PHF6: variants seen among roughly 807,000 people sequenced by gnomAD.
PHF6 encodes the protein PHD-like zinc finger protein.
In PHF6, 7 loss-of-function variants were observed where a neutral mutation model predicts 34.0. That is an observed-to-expected ratio of 0.21 (90% CI 0.12 to 0.39). The LOEUF is 0.39. PHF6 is among the 10% of genes least tolerant of loss of function. PHF6 has a pLI of 1.00. For missense variants in PHF6, 128 were observed against 262.8 expected (o/e 0.49, Z 3.55); for synonymous variants, 89 against 88.4 (o/e 1.01, Z -0.04).
chrX:134,392,551 T>C (rs1429938195), intron 3 of PHF6, among the ~76,000 whole-genome samples: 1 of 112,244 alleles, frequency 8.9e-6, no homozygotes, highest in Non-Finnish European at 1.9e-5. Context: ...TGAAAGAATC[T>C]GTTCTTTTAT....
chrX:134,373,988 A>G (rs866615170), intron 1 of PHF6, among the ~76,000 whole-genome samples: 1 of 110,680 alleles, frequency 9.0e-6, no homozygotes, highest in African/African-American at 3.3e-5. Flanking sequence ...ATTTTCCTAG[A>G]TTCGGGAGGA....
intron 9 of PHF6, among the ~76,000 whole-genome samples, chrX:134,424,945 A>G (rs1342294178): frequency 8.9e-6 from 1 of 112,075 alleles, no homozygotes; most frequent in Non-Finnish European, 1.9e-5. Context: ...ATTGGGCAAA[A>G]TGAGGAATTG....
At chrX:134,374,148 G>T (rs1201986835) in intron 1 of PHF6, among the ~76,000 whole-genome samples, 1 of 111,422 alleles carries the variant, frequency 9.0e-6, no homozygotes. Flanking sequence ...TAACGGAGAG[G>T]ATCCGGTACT....
chrX:134,381,610 T>A (rs1602692794), intron 3 of PHF6, among the ~76,000 whole-genome samples: 1 of 109,478 alleles, frequency 9.1e-6, no homozygotes, highest in Admixed American at 9.8e-5. Flanking sequence ...TTTTCCTGTC[T>A]CAGCCTCCCA....
chrX:134,395,441 C>G (rs1312029268), intron 5 of PHF6, among the ~76,000 whole-genome samples: 1 of 111,925 alleles, frequency 8.9e-6, no homozygotes, highest in Admixed American at 9.5e-5. Context: ...AAAAAGTATG[C>G]GAAAACTCTG....
intron 3 of PHF6, among the ~76,000 whole-genome samples, chrX:134,384,680 C>T (rs1002219294): frequency 3.9e-4 from 42 of 107,386 alleles, no homozygotes; most frequent in Non-Finnish European, 7.6e-4. Flanking sequence ...GAGACGGAGT[C>T]TTGCTCTGTC....
Position 134,381,495 on chromosome X carries a change from ATT to A in PHF6, c.240+3404_240+3405del, listed in dbSNP as rs72244870. Among the ~76,000 whole-genome samples, 155 of 95,696 alleles carry A rather than the reference ATT, an allele frequency of 1.6e-3. 1 individual carries two copies. Among genetic ancestry groups the A allele is most frequent in the African/African-American group, 5.3e-3 (138 of 26,154 alleles). The allele number at this position is 95,696 out of a possible 115,157, so 83.1% of individuals were successfully genotyped here. ...TAGGTAATCAGCTTCCCTAATTGAC[ATT>A]TTTTTTTTTTTTTTGAGATGGAGTT... On this transcript the variant is annotated intron_variant, in intron 3 of 10. Transcript: ENST00000370803.
At chrX:134,399,718 A>T (rs2077395110) in intron 5 of PHF6, among the ~76,000 whole-genome samples, 1 of 109,264 alleles carries the variant, frequency 9.2e-6, no homozygotes, top group Non-Finnish European at 1.9e-5. Context: ...CAGCCTATCC[A>T]CTATTAACAT....
In PHF6 at chrX:134,427,822, T is replaced by A. The variant is rs2077512262; in HGVS notation, c.*2162T>A. On this transcript the variant is annotated 3_prime_UTR_variant, in exon 11 of 11. Transcript: ENST00000370803. ...CTCCAATGTTTTGATTCTCTAATCA[T>A]GTTTTCGTCACATGCTGAGTAAAAG... The A allele has an allele frequency of 6.3e-6, 1 of 157,900 alleles. No individual in the cohort carries two copies. Among genetic ancestry groups the A allele is most frequent in the African/African-American group, 3.0e-5 (1 of 33,032 alleles). The allele number at this position is 157,900 out of a possible 1,213,427, so 13.0% of individuals were successfully genotyped here. A position where few individuals can be genotyped will look rare whatever the true frequency, so the allele number is the denominator to read the frequency against.
intron 5 of PHF6, among the ~76,000 whole-genome samples, chrX:134,402,120 C>T (rs1425882820): frequency 1.8e-5 from 2 of 111,144 alleles, no homozygotes; most frequent in Non-Finnish European, 3.8e-5. Flanking sequence ...CTCAGCCTCC[C>T]GAGTAGCTGG....
chrX:134,384,596 G>A (rs2077322139), intron 3 of PHF6, among the ~76,000 whole-genome samples: 1 of 108,884 alleles, frequency 9.2e-6, no homozygotes. Flanking sequence ...TTCCATATCA[G>A]TCACGTCAAT....
intron 9 of PHF6, 166 bp downstream of exon 9, chrX:134,417,468 T>C: frequency 2.1e-6 from 1 of 474,137 alleles, no homozygotes; most frequent in Non-Finnish European, 3.5e-6. Flanking sequence ...TTCCTCTGAC[T>C]ACATATCCCT....
intron 9 of PHF6, among the ~76,000 whole-genome samples, chrX:134,421,228 C>T (rs2077490628): frequency 9.0e-6 from 1 of 111,545 alleles, no homozygotes; most frequent in Non-Finnish European, 1.9e-5. Context: ...CACCATCCTT[C>T]TGCTCACCCC....
At chrX:134,392,482 CTAGT>C (rs750591127) in intron 3 of PHF6, among the ~76,000 whole-genome samples, 4 of 111,742 alleles carry the variant, frequency 3.6e-5, no homozygotes, top group East Asian at 5.6e-4. Context: ...AGAGCATGAG[CTAGT>C]TAATCAATAT....
At chrX:134,403,115 T>G (rs2077409331) in intron 5 of PHF6, among the ~76,000 whole-genome samples, 1 of 112,131 alleles carries the variant, frequency 8.9e-6, no homozygotes, top group African/African-American at 3.2e-5. Context: ...TTTCTCACTT[T>G]AAATCCAAAG....
rs1387475962 is a variant in PHF6 at position 134,428,018 on chromosome X, G to A, written c.*2358G>A. 6.5e-6 allele frequency: 1 copy of A among 153,466 alleles called. No homozygotes were observed. Among genetic ancestry groups the A allele is most frequent in the African/African-American group, 3.1e-5 (1 of 32,724 alleles). 12.6% of individuals were successfully genotyped at this position (153,466 alleles called of 1,213,427 possible). On this transcript the variant is annotated 3_prime_UTR_variant, in exon 11 of 11. Transcript: ENST00000370803. ...AGTTTTAATAAGCATGACATTATTT[G>A]ATAAGTATATAACATTTACATCATT... is the stretch of plus-strand genomic sequence containing the variant.
intron 3 of PHF6, among the ~76,000 whole-genome samples, chrX:134,390,787 T>A (rs1389794481): frequency 9.0e-6 from 1 of 111,193 alleles, no homozygotes; most frequent in African/African-American, 3.3e-5. Flanking sequence ...GAATCTATGT[T>A]ATAAACATAG....
chrX:134,377,759 A>G lies in PHF6; in HGVS notation c.138+4A>G, dbSNP rs2077284646. The G allele has an allele frequency of 8.3e-7, 1 of 1,208,640 alleles. No individual in the cohort carries two copies. The highest frequency in any genetic ancestry group is 1.1e-6 in the Non-Finnish European group (1 of 893,147). On this transcript the variant is annotated splice_donor_region_variant and intron_variant, in intron 2 of 10. Coordinates refer to ENST00000370803, the MANE Select transcript of PHF6 (RefSeq NM_001015877.2). ...GGCAGCGCACCATAAGTGCATGGTA[A>G]GTATACCGGCAGCAACAGAGACCTT...
At chrX:134,385,442 T>C (rs1006584730) in intron 3 of PHF6, among the ~76,000 whole-genome samples, 8 of 111,840 alleles carry the variant, frequency 7.2e-5, no homozygotes, top group African/African-American at 2.0e-4. Context: ...CAGCCTAGCA[T>C]GATGTGGGGA....
Sources: allele counts gnomAD v4.1 joint callset (sites outside exome capture counted in the v4.1 genomes callset), GRCh38; gene constraint gnomAD v4.1.1; transcripts MANE v1.5; gene names NCBI Gene and HGNC (gene_info 2026-07-23, HGNC 2026-07-21).